The following PRORP variants were observed in gnomAD, a reference collection of about 807,000 sequenced individuals.
PRORP encodes mitochondrial ribonuclease P catalytic subunit.
PRORP carries 51 observed loss-of-function variants against 59.4 expected under a neutral mutation model. The observed-to-expected ratio is 0.86, with a 90% CI of 0.69 to 1.08. PRORP has a LOEUF of 1.08. PRORP is among the 50% of genes least tolerant of loss of function. PRORP has a pLI of 0.00. For synonymous variants in PRORP, 231 were observed against 245.6 expected, an observed-to-expected ratio of 0.94 and a Z score of 0.55; for missense variants, 646 against 690.3, an observed-to-expected ratio of 0.94 and a Z score of 0.72.
chr14:35,250,492 A>C (rs564119882), intron 5 of PRORP, among the ~76,000 whole-genome samples: 146 of 152,324 alleles, frequency 9.6e-4, no homozygotes, highest in African/African-American at 3.2e-3. Flanking sequence ...GAATAATAAG[A>C]TCAGAAGCTG....
intron 7 of PRORP, among the ~76,000 whole-genome samples, chr14:35,272,870 A>C (rs982692906): frequency 6.6e-6 from 1 of 152,200 alleles, no homozygotes; most frequent in Non-Finnish European, 1.5e-5. Context: ...TAGTATTTGC[A>C]TATAACCTAC....
intron 4 of PRORP, among the ~76,000 whole-genome samples, chr14:35,177,685 A>C (rs555946146): frequency 5.3e-5 from 8 of 152,100 alleles, no homozygotes; most frequent in African/African-American, 1.2e-4. Flanking sequence ...TGATCTTTTC[A>C]AAAAACCAGC....
At chr14:35,215,515 C>G (rs576146788) in intron 5 of PRORP, among the ~76,000 whole-genome samples, 127 of 152,152 alleles carry the variant, frequency 8.3e-4, no homozygotes, top group African/African-American at 2.9e-3. Flanking sequence ...GTGGTGGCTC[C>G]CAGCACTGCA....
chr14:35,253,343 AAG>A (rs199840591), intron 5 of PRORP, among the ~76,000 whole-genome samples: 52 of 143,210 alleles, frequency 3.6e-4, no homozygotes, highest in African/African-American at 8.5e-4. Context: ...AAAAAAAAAA[AAG>A]AGAGAGAGAG....
intron 5 of PRORP, among the ~76,000 whole-genome samples, chr14:35,181,973 C>A (rs915096254): frequency 6.6e-6 from 1 of 151,892 alleles, no homozygotes; most frequent in Non-Finnish European, 1.5e-5. Context: ...CAACAAACTG[C>A]AAAATGTAGG....
chr14:35,200,163 ATATT>A (rs1459577169), intron 5 of PRORP, among the ~76,000 whole-genome samples: 12 of 151,946 alleles, frequency 7.9e-5, no homozygotes, highest in Non-Finnish European at 1.3e-4. Flanking sequence ...GATTGTGAAA[ATATT>A]AAGTATGCAA....
chr14:35,227,885 C>T (rs1181185993), intron 5 of PRORP, among the ~76,000 whole-genome samples: 1 of 152,160 alleles, frequency 6.6e-6, no homozygotes, highest in Admixed American at 6.5e-5. Context: ...TGGCTCATGC[C>T]TGTAATCCCA....
At chr14:35,153,769 T>C (rs551112769) in intron 4 of PRORP, among the ~76,000 whole-genome samples, 2 of 152,296 alleles carry the variant, frequency 1.3e-5, no homozygotes, top group African/African-American at 4.8e-5. Flanking sequence ...CTGGAACATT[T>C]TGGTATATGT....
chr14:35,188,843 G>A (rs568075439), intron 5 of PRORP, among the ~76,000 whole-genome samples: 21 of 151,414 alleles, frequency 1.4e-4, no homozygotes, highest in Non-Finnish European at 2.7e-4. Flanking sequence ...GGGTGTGGTG[G>A]TGGGTGCCTG....
At chr14:35,263,809 G>A (rs2050967924) in intron 5 of PRORP, among the ~76,000 whole-genome samples, 1 of 152,186 alleles carries the variant, frequency 6.6e-6, no homozygotes, top group African/African-American at 2.4e-5. Context: ...GGAAATAACT[G>A]CTTGAGCACA....
intron 5 of PRORP, among the ~76,000 whole-genome samples, chr14:35,205,916 A>G (rs909850182): frequency 6.6e-6 from 1 of 152,162 alleles, no homozygotes; most frequent in Admixed American, 6.5e-5. Context: ...CAGTCTGTGC[A>G]CTTGACCCCT....
chr14:35,148,232 A>G (rs949708803), intron 4 of PRORP, among the ~76,000 whole-genome samples: 2 of 152,232 alleles, frequency 1.3e-5, no homozygotes, highest in African/African-American at 4.8e-5. Context: ...TATGACAGCT[A>G]TAGCCTTACA....
At chr14:35,243,569 A>G (rs2050415487) in intron 5 of PRORP, among the ~76,000 whole-genome samples, 3 of 151,934 alleles carry the variant, frequency 2.0e-5, no homozygotes, top group Admixed American at 2.0e-4. Context: ...CAGGTTTAAT[A>G]AGGGAATGTT....
At chr14:35,271,315 C>T (rs1035129326) in intron 7 of PRORP, among the ~76,000 whole-genome samples, 2 of 151,496 alleles carry the variant, frequency 1.3e-5, no homozygotes, top group East Asian at 2.0e-4. Flanking sequence ...CATGCCACCA[C>T]GCCGAGCTAA....
At chr14:35,148,910 A>ATTT (rs2047673709) in intron 4 of PRORP, among the ~76,000 whole-genome samples, 1 of 115,408 alleles carries the variant, frequency 8.7e-6, no homozygotes, top group Non-Finnish European at 1.8e-5. Context: ...TGCACTTTTT[A>ATTT]ATTTTTTTTT....
In PRORP at chr14:35,125,978, G is replaced by A. The variant is rs1025538524; in HGVS notation, c.987-757G>A. Among the ~76,000 whole-genome samples the A allele has an allele frequency of 1.2e-4, 18 of 152,244 alleles. 1 individual carries two copies. Among genetic ancestry groups the A allele is most frequent in the Middle Eastern group, 3.4e-3 (1 of 294 alleles). ...ATCAAGGCTGCAGGGAGCTGTGATG[G>A]CGCCATGCACTCCAACCTGGGCGAC... On this transcript the variant is annotated intron_variant, in intron 2 of 7. Coordinates refer to ENST00000534898, the MANE Select transcript of PRORP (RefSeq NM_014672.4).
At chr14:35,186,638 G>A (rs2048750037) in intron 5 of PRORP, among the ~76,000 whole-genome samples, 2 of 150,390 alleles carry the variant, frequency 1.3e-5, no homozygotes, top group South Asian at 4.2e-4. Context: ...TGTTGCCCAA[G>A]CTGGAGGGTA....
chr14:35,146,695 A>G (rs1382946498), intron 4 of PRORP, among the ~76,000 whole-genome samples: 6 of 152,266 alleles, frequency 3.9e-5, no homozygotes, highest in Non-Finnish European at 1.5e-5. Flanking sequence ...GTTTTAAAGT[A>G]CAGGCATACC....
chr14:35,151,934 C>CTTTTTTTTTTTTTTTTTTT (rs11342103), intron 4 of PRORP, among the ~76,000 whole-genome samples: 4 of 124,838 alleles, frequency 3.2e-5, no homozygotes, highest in Non-Finnish European at 5.0e-5. Context: ...GTTAATCCAT[C>CTTTTTTTTTTTTTTTTTTT]TTTTTTTTTT....
Sources: allele counts gnomAD v4.1 joint callset (sites outside exome capture counted in the v4.1 genomes callset), GRCh38; gene constraint gnomAD v4.1.1; transcripts MANE v1.5; gene names NCBI Gene and HGNC (gene_info 2026-07-23, HGNC 2026-07-21).